Variants in FOXP2 observed in about 807,000 individuals in gnomAD.
FOXP2 encodes forkhead box protein P2.
Under a neutral mutation model 115.8 loss-of-function variants are expected in FOXP2, and 12 were observed. The ratio of observed to expected loss-of-function variants is 0.10; its 90% CI spans 0.07 to 0.17. The LOEUF (loss-of-function observed/expected upper bound fraction) is 0.17, where lower values mean the gene tolerates loss of function less well. Ranked by LOEUF, FOXP2 falls within the 10% of genes least tolerant of loss-of-function variation. FOXP2 has a pLI of 1.00. For synonymous variants in FOXP2, 328 were observed against 297.7 expected, an observed-to-expected ratio of 1.10 and a Z score of -1.05; for missense variants, 629 against 843.5, an observed-to-expected ratio of 0.75 and a Z score of 3.15.
intron 2 of FOXP2, among the ~76,000 whole-genome samples, chr7:114,489,028 G>A (rs1343305947): frequency 1.3e-5 from 2 of 152,240 alleles, no homozygotes; most frequent in Admixed American, 1.3e-4. Flanking sequence ...TGCAAAAACA[G>A]ATGTTATATC....
In FOXP2 at chr7:114,278,025, TAAAAA is replaced by T. The variant is rs1198719493; in HGVS notation, c.-101-9975_-101-9971del. The stretch of plus-strand genomic sequence containing the variant: ...CTGGGCGAAAGAGTGAGACCTTGTC[TAAAAA>T]AAAAAAAAAAAAAAAAAAGAATTCA... On this transcript the variant is annotated intron_variant, in intron 1 of 17. Transcript: ENST00000634411. 3.9e-5 allele frequency among the ~76,000 whole-genome samples: 3 copies of T among 76,204 alleles called. 1 individual carries two copies. The highest frequency in any genetic ancestry group is 2.4e-5 in the Non-Finnish European group (1 of 41,414). 50.0% of individuals were successfully genotyped at this position (76,204 alleles called of 152,430 possible).
At chr7:114,390,367 A>G (rs1440279134) in intron 2 of FOXP2, among the ~76,000 whole-genome samples, 3 of 152,240 alleles carry the variant, frequency 2.0e-5, no homozygotes, top group African/African-American at 7.2e-5. Flanking sequence ...GAATTTGTTT[A>G]TGAGAAATTA....
rs1461037085 is a variant in FOXP2 at position 114,611,059 on chromosome 7, G to GT, written c.259-17480dup. ...GTAAGACATAAGAAATATTTCATCC[G>GT]TATCTTTGTGTATCTATAGTAAGTT... On this transcript the variant is annotated intron_variant, in intron 3 of 16. Coordinates refer to ENST00000350908, the MANE Select transcript of FOXP2 (RefSeq NM_014491.4). Among the ~76,000 whole-genome samples, 16 of 152,262 alleles carry GT rather than the reference G, an allele frequency of 1.1e-4. No homozygotes were observed. The East Asian group carries it at 2.7e-3, about 26-fold the overall frequency.
intron 2 of FOXP2, among the ~76,000 whole-genome samples, chr7:114,292,703 C>A (rs930972518): frequency 4.6e-5 from 7 of 152,124 alleles, no homozygotes; most frequent in Admixed American, 2.6e-4. Context: ...GTATCTTACC[C>A]TATCATAGTC....
At chr7:114,528,156 A>G (rs1426595450) in intron 2 of FOXP2, among the ~76,000 whole-genome samples, 1 of 152,096 alleles carries the variant, frequency 6.6e-6, no homozygotes, top group East Asian at 1.9e-4. Flanking sequence ...GACTAAGCGT[A>G]TGCTCTATCC....
chr7:114,250,643 G>C (rs770507782), intron 1 of FOXP2, among the ~76,000 whole-genome samples: 64 of 152,142 alleles, frequency 4.2e-4, no homozygotes, highest in Non-Finnish European at 8.2e-4. Context: ...TTTTCGATGG[G>C]ATTGTTTTTG....
intron 1 of FOXP2, among the ~76,000 whole-genome samples, chr7:114,187,294 A>G (rs923527023): frequency 1.3e-5 from 2 of 152,240 alleles, no homozygotes; most frequent in Non-Finnish European, 2.9e-5. Flanking sequence ...GCTATGCAGT[A>G]CCATGAAATA....
intron 3 of FOXP2, among the ~76,000 whole-genome samples, chr7:114,601,540 A>T (rs1308536717): frequency 2.0e-5 from 3 of 152,012 alleles, no homozygotes; most frequent in Non-Finnish European, 2.9e-5. Flanking sequence ...GTTTTCATTT[A>T]CTGTTCCTTT....
At chr7:114,262,718 C>T (rs892408482) in intron 1 of FOXP2, among the ~76,000 whole-genome samples, 4 of 152,136 alleles carry the variant, frequency 2.6e-5, no homozygotes, top group Non-Finnish European at 4.4e-5. Context: ...CAATGCAGGT[C>T]TAGTGTAAGG....
upstream of FOXP2, among the ~76,000 whole-genome samples, chr7:114,159,540 A>G (rs1433158685): frequency 6.6e-6 from 1 of 152,182 alleles, no homozygotes; most frequent in Non-Finnish European, 1.5e-5. Flanking sequence ...GAAATAAATG[A>G]TAAATGAATA....
At position 114,691,943 on chromosome 7, in the gene FOXP2, GAAA is replaced by G; in HGVS notation, c.*2028_*2030del. The G allele has an allele frequency of 5.5e-6, 2 of 364,108 alleles. No individual in the cohort carries two copies. The highest frequency in any genetic ancestry group is 9.5e-4 in the Middle Eastern group (1 of 1,054). The allele number at this position is 364,108 out of a possible 1,614,324, so 22.6% of individuals were successfully genotyped here. A position where few individuals can be genotyped will look rare whatever the true frequency, so the allele number is the denominator to read the frequency against. ...TTCTACCTCTGCAAAAAAAAAAAAA[GAAA>G]AAAAAAAAAAGAAAAACATTAGAAC... On this transcript the variant is annotated 3_prime_UTR_variant, in exon 17 of 17. Coordinates refer to ENST00000350908, the MANE Select transcript of FOXP2 (RefSeq NM_014491.4).
chr7:114,553,923 C>G (rs1287704462), intron 3 of FOXP2, among the ~76,000 whole-genome samples: 2 of 152,040 alleles, frequency 1.3e-5, no homozygotes, highest in Admixed American at 6.6e-5. Context: ...TGCTATTGAT[C>G]ATCTGATTGC....
intron 2 of FOXP2, among the ~76,000 whole-genome samples, chr7:114,476,481 G>A (rs1317848704): frequency 6.6e-6 from 1 of 151,912 alleles, no homozygotes; most frequent in Non-Finnish European, 1.5e-5. Flanking sequence ...TGTTCTACGT[G>A]TCTGTTTTTA....
intron 2 of FOXP2, among the ~76,000 whole-genome samples, chr7:114,340,608 A>G (rs1791178559): frequency 6.6e-6 from 1 of 151,158 alleles, no homozygotes; most frequent in South Asian, 2.1e-4. Context: ...AACTTTGTAC[A>G]ATATAAGACT....
chr7:114,660,058 T>C (rs1487662500), intron 13 of FOXP2, among the ~76,000 whole-genome samples: 1 of 152,202 alleles, frequency 6.6e-6, no homozygotes, highest in Non-Finnish European at 1.5e-5. Context: ...GGTTTTGTCT[T>C]GGTCTGCGCC....
intron 2 of FOXP2, among the ~76,000 whole-genome samples, chr7:114,503,528 A>G (rs1179999202): frequency 1.3e-5 from 2 of 151,354 alleles, no homozygotes; most frequent in Non-Finnish European, 3.0e-5. Context: ...ATCATGCTCT[A>G]TCAACATCAA....
intron 2 of FOXP2, among the ~76,000 whole-genome samples, chr7:114,493,093 C>A (rs1208315224): frequency 1.3e-5 from 2 of 152,166 alleles, no homozygotes; most frequent in African/African-American, 2.4e-5. Context: ...CTGGGTGCTC[C>A]TGTATTGGGT....
intron 3 of FOXP2, among the ~76,000 whole-genome samples, chr7:114,550,691 G>A (rs1196737217): frequency 6.6e-6 from 1 of 152,154 alleles, no homozygotes; most frequent in East Asian, 1.9e-4. Flanking sequence ...CTTGTTGGAA[G>A]CAATGTGCAT....
At chr7:114,389,462 C>A (rs1238167237) in intron 2 of FOXP2, among the ~76,000 whole-genome samples, 1 of 152,182 alleles carries the variant, frequency 6.6e-6, no homozygotes, top group Admixed American at 6.5e-5. Context: ...TTAAGGTTGG[C>A]AGCGTTTTGT....
Sources: allele counts gnomAD v4.1 joint callset (sites outside exome capture counted in the v4.1 genomes callset), GRCh38; gene constraint gnomAD v4.1.1; transcripts MANE v1.5; gene names NCBI Gene and HGNC (gene_info 2026-07-23, HGNC 2026-07-21).